The following HS6ST3 variants were observed in gnomAD, a reference collection of about 807,000 sequenced individuals.
The protein encoded by HS6ST3 is heparan-sulfate 6-O-sulfotransferase 3.
A neutral mutation model predicts 36.7 loss-of-function variants in HS6ST3; 12 were observed. The observed-to-expected ratio is 0.33, with a 90% CI of 0.21 to 0.53. HS6ST3 has a LOEUF of 0.53. Among genes scored for constraint, HS6ST3 ranks in the 20% least tolerant of loss-of-function variants. The pLI is 0.95. For synonymous variants in HS6ST3, 240 were observed against 257.5 expected (o/e 0.93, Z 0.65); for missense variants, 584 against 640.9 (o/e 0.91, Z 0.96).
chr13:96,185,352 AT>A (rs1313089115), intron 1 of HS6ST3, among the ~76,000 whole-genome samples: 7 of 152,196 alleles, frequency 4.6e-5, no homozygotes, highest in Non-Finnish European at 1.0e-4. Flanking sequence ...ATGCTTTCTT[AT>A]TTATGCCTCA....
rs565533094 is a variant in HS6ST3, at chr13:96,631,410, G to T, written c.708-201080G>T. Reference sequence around the variant, plus strand: ...TAATCATGAAATATCAGCTATAAATGGTATAAATTTTGTTCTCAAAAGATT... The same window carrying T: ...TAATCATGAAATATCAGCTATAAATTGTATAAATTTTGTTCTCAAAAGATT... On this transcript the variant is annotated intron_variant, in intron 1 of 1. Transcript: ENST00000376705. Among the ~76,000 whole-genome samples the T allele has an allele frequency of 8.8e-4, 134 of 152,254 alleles. 1 individual carries two copies. Among genetic ancestry groups the T allele is most frequent in the African/African-American group, 3.1e-3 (127 of 41,570 alleles).
chr13:96,640,149 C>T (rs2056565338), intron 1 of HS6ST3, among the ~76,000 whole-genome samples: 1 of 151,890 alleles, frequency 6.6e-6, no homozygotes, highest in Non-Finnish European at 1.5e-5. Context: ...GTCCAAACTG[C>T]TTTCCACAGT....
chr13:96,704,069 G>A (rs1295974929), intron 1 of HS6ST3, among the ~76,000 whole-genome samples: 1 of 152,164 alleles, frequency 6.6e-6, no homozygotes, highest in Non-Finnish European at 1.5e-5. Flanking sequence ...TCCTCAGGCA[G>A]TTCTTTATAG....
intron 1 of HS6ST3, among the ~76,000 whole-genome samples, chr13:96,308,539 T>C (rs989391982): frequency 1.3e-5 from 2 of 152,130 alleles, no homozygotes; most frequent in African/African-American, 4.8e-5. Flanking sequence ...CAGACTTATG[T>C]AAAAGACTTT....
At chr13:96,674,628 G>A (rs187005780) in intron 1 of HS6ST3, among the ~76,000 whole-genome samples, 1 of 152,178 alleles carries the variant, frequency 6.6e-6, no homozygotes, top group Admixed American at 6.5e-5. Flanking sequence ...TGGACTCGTT[G>A]TTGTTGAGTT....
In HS6ST3 at chr13:96,838,666, AC is replaced by A. The variant is rs1878996761; in HGVS notation, c.*5469del. 6.6e-6 allele frequency: 1 copy of A among 152,118 alleles called. No individual in the cohort carries two copies. The highest frequency in any genetic ancestry group is 2.1e-4 in the South Asian group (1 of 4,830). 9.4% of individuals were successfully genotyped at this position (152,118 alleles called of 1,614,324 possible). On this transcript the variant is annotated 3_prime_UTR_variant, in exon 2 of 2. Transcript: ENST00000376705. ...AGCCAATGCCTGCTCTCTTCTCACC[AC>A]ATTCACCTGGACAAATCTGAACTAA...
chr13:96,453,208 T>G (rs989178373), intron 1 of HS6ST3, among the ~76,000 whole-genome samples: 1 of 151,814 alleles, frequency 6.6e-6, no homozygotes, highest in Non-Finnish European at 1.5e-5. Flanking sequence ...AAAAAAAGAT[T>G]TAGAGAGTAC....
At chr13:96,160,803 C>G (rs1312278730) in intron 1 of HS6ST3, among the ~76,000 whole-genome samples, 1 of 152,178 alleles carries the variant, frequency 6.6e-6, no homozygotes, top group Admixed American at 6.5e-5. Context: ...TGTACAGGTA[C>G]ACTACAGGAA....
At chr13:96,732,819 C>CTCCAGTTTCTTT (rs74777069) in intron 1 of HS6ST3, among the ~76,000 whole-genome samples, 5 of 151,764 alleles carry the variant, frequency 3.3e-5, no homozygotes, top group African/African-American at 1.2e-4. Context: ...TTTGTGACTT[C>CTCCAGTTTCTTT]CATCAACGTT....
intron 1 of HS6ST3, among the ~76,000 whole-genome samples, chr13:96,664,372 A>G (rs1443393311): frequency 6.6e-6 from 1 of 152,134 alleles, no homozygotes. Flanking sequence ...TAATTTTTAT[A>G]TTGAGTTTAA....
chr13:96,566,440 A>C (rs1461904213), intron 1 of HS6ST3, among the ~76,000 whole-genome samples: 1 of 152,122 alleles, frequency 6.6e-6, no homozygotes, highest in African/African-American at 2.4e-5. Flanking sequence ...TTTTCAAGCA[A>C]AAGAGTAAAC....
intron 1 of HS6ST3, among the ~76,000 whole-genome samples, chr13:96,353,549 G>A (rs929895988): frequency 1.3e-5 from 2 of 151,138 alleles, no homozygotes; most frequent in Admixed American, 6.6e-5. Context: ...AGAAGAAAAT[G>A]TTACCAAACT....
intron 1 of HS6ST3, among the ~76,000 whole-genome samples, chr13:96,543,223 T>C (rs1206296913): frequency 6.6e-6 from 1 of 152,136 alleles, no homozygotes; most frequent in Non-Finnish European, 1.5e-5. Flanking sequence ...ATTTGTTCAG[T>C]CTAGAATAAT....
At chr13:96,539,382 G>T (rs2056169040) in intron 1 of HS6ST3, among the ~76,000 whole-genome samples, 1 of 151,632 alleles carries the variant, frequency 6.6e-6, no homozygotes, top group Admixed American at 6.6e-5. Flanking sequence ...TTGAGATGGA[G>T]TCTCACACTG....
chr13:96,806,861 T>C (rs1878207200), intron 1 of HS6ST3, among the ~76,000 whole-genome samples: 1 of 152,186 alleles, frequency 6.6e-6, no homozygotes, highest in African/African-American at 2.4e-5. Flanking sequence ...TTTTATAAGC[T>C]GATATATGCC....
At chr13:96,726,068 C>A (rs1437420620) in intron 1 of HS6ST3, among the ~76,000 whole-genome samples, 1 of 152,106 alleles carries the variant, frequency 6.6e-6, no homozygotes, top group Non-Finnish European at 1.5e-5. Flanking sequence ...TAACTCCTGA[C>A]CTTACGATCC....
Position 96,345,311 on chromosome 13 carries a change from T to C in HS6ST3, c.707+253742T>C, listed in dbSNP as rs140550625. ...ACCTGAAATATTCTTATTTATATTG[T>C]TGTTTCAGGGCTTTGTTATTATCAG... is the stretch of plus-strand genomic sequence containing the variant. On this transcript the variant is annotated intron_variant, in intron 1 of 1. Coordinates refer to ENST00000376705, the MANE Select transcript of HS6ST3 (RefSeq NM_153456.4). 1.4e-4 allele frequency among the ~76,000 whole-genome samples: 21 copies of C among 152,326 alleles called. No homozygotes were observed. The East Asian group carries it at 3.5e-3, about 25-fold the overall frequency.
At chr13:96,368,522 A>C (rs1029204886) in intron 1 of HS6ST3, among the ~76,000 whole-genome samples, 2 of 151,850 alleles carry the variant, frequency 1.3e-5, no homozygotes, top group African/African-American at 2.4e-5. Context: ...TAAAAAAAAA[A>C]CATAATTTTC....
At chr13:96,644,311 T>A (rs940640007) in intron 1 of HS6ST3, among the ~76,000 whole-genome samples, 2 of 152,062 alleles carry the variant, frequency 1.3e-5, no homozygotes, top group African/African-American at 4.8e-5. Flanking sequence ...ATTCATCAAT[T>A]ATGTCATATA....
Sources: gnomAD v4.1 joint callset for allele counts (sites outside exome capture counted in the v4.1 genomes callset) on GRCh38, gnomAD v4.1.1 for gene constraint, MANE v1.5 for transcripts, NCBI Gene and HGNC (gene_info 2026-07-23, HGNC 2026-07-21) for gene names.